Variants in LAMA2 observed in about 807,000 individuals in gnomAD.
LAMA2 encodes the protein laminin subunit alpha-2.
Under a neutral mutation model 364.8 loss-of-function variants are expected in LAMA2, and 269 were observed. The ratio of observed to expected loss-of-function variants is 0.74; its 90% CI spans 0.67 to 0.82. LAMA2 has a LOEUF of 0.82. LAMA2 is among the 40% of genes least tolerant of loss of function. The pLI, the probability that LAMA2 is intolerant of heterozygous loss-of-function variation, is 0.00. For synonymous variants in LAMA2, 1,379 were observed against 1,370.6 expected (o/e 1.01, Z -0.14); for missense variants, 3,807 against 3,873.2 (o/e 0.98, Z 0.45).
intron 10 of LAMA2, among the ~76,000 whole-genome samples, chr6:129,181,223 A>G (rs552111462): frequency 1.3e-5 from 2 of 152,218 alleles, no homozygotes; most frequent in Non-Finnish European, 2.9e-5. Context: ...CCTCAACTGA[A>G]AATGATCTCA....
At chr6:129,300,984 G>A in intron 22 of LAMA2, 112 bp downstream of exon 22, 1 of 908,158 alleles carries the variant, frequency 1.1e-6, no homozygotes, top group Non-Finnish European at 1.8e-6. Context: ...TAATGTAGAA[G>A]TATTACTATA....
At position 128,955,286 on chromosome 6, in the gene LAMA2, C is replaced by G. The variant is rs137980792; in HGVS notation, c.112+71929C>G. Among the ~76,000 whole-genome samples, 17 of 152,036 alleles carry G rather than the reference C, an allele frequency of 1.1e-4. No homozygotes were observed. The East Asian group carries it at 3.3e-3, about 29-fold the overall frequency. ...TGATTCATTAATTTTCTGAATTACA[C>G]TTGTAGATAGGAACTATTGTTATCC... is the stretch of plus-strand genomic sequence containing the variant. On this transcript the variant is annotated intron_variant, in intron 1 of 64. Transcript: ENST00000421865.
At chr6:128,897,308 TATATC>T (rs1465369195) in intron 1 of LAMA2, among the ~76,000 whole-genome samples, 1 of 152,236 alleles carries the variant, frequency 6.6e-6, no homozygotes, top group African/African-American at 2.4e-5. Context: ...TATGTCCTGA[TATATC>T]AGAAGAGTCT....
chr6:128,993,621 G>A (rs1325178391), intron 1 of LAMA2, among the ~76,000 whole-genome samples: 1 of 152,066 alleles, frequency 6.6e-6, no homozygotes, highest in Non-Finnish European at 1.5e-5. Flanking sequence ...CGTGGTATAT[G>A]AGAGAAAATA....
chr6:129,183,743 C>T (rs900306010), intron 10 of LAMA2, among the ~76,000 whole-genome samples: 3 of 151,928 alleles, frequency 2.0e-5, no homozygotes, highest in African/African-American at 7.2e-5. Context: ...TCATATCATT[C>T]TCATGGCATA....
At chr6:129,274,798 C>G (rs1039189746) in intron 17 of LAMA2, among the ~76,000 whole-genome samples, 2 of 151,884 alleles carry the variant, frequency 1.3e-5, no homozygotes, top group African/African-American at 2.4e-5. Flanking sequence ...AACAATGTAA[C>G]TATTTCGAAT....
At chr6:129,424,282 T>G (rs991153800) in intron 40 of LAMA2, among the ~76,000 whole-genome samples, 5 of 151,516 alleles carry the variant, frequency 3.3e-5, no homozygotes, top group African/African-American at 1.2e-4. Flanking sequence ...TAAAAATATA[T>G]AAGAAAAATC....
At chr6:129,328,472 C>T (rs369974720) in intron 29 of LAMA2, 60 bp downstream of exon 29, 16 of 1,613,106 alleles carry the variant, frequency 9.9e-6, no homozygotes, top group Non-Finnish European at 1.2e-5. Context: ...TACACATGCT[C>T]AGCATCTGCA....
At chr6:129,128,961 T>C (rs745604761) in intron 4 of LAMA2, among the ~76,000 whole-genome samples, 1 of 151,136 alleles carries the variant, frequency 6.6e-6, no homozygotes, top group Non-Finnish European at 1.5e-5. Context: ...AGTTTCTTTC[T>C]TAAAAGTTTA....
At chr6:129,488,208 G>C (rs1784690434) in intron 56 of LAMA2, among the ~76,000 whole-genome samples, 1 of 152,126 alleles carries the variant, frequency 6.6e-6, no homozygotes, top group Non-Finnish European at 1.5e-5. Flanking sequence ...TACTCTGGAG[G>C]CTGAGGCAGG....
At chr6:129,176,360 C>T (rs1780589341) in intron 9 of LAMA2, among the ~76,000 whole-genome samples, 1 of 151,862 alleles carries the variant, frequency 6.6e-6, no homozygotes, top group East Asian at 1.9e-4. Context: ...TAGATAATTT[C>T]TGCTTTGATA....
At chr6:129,099,944 G>A (rs1775424998) in intron 4 of LAMA2, among the ~76,000 whole-genome samples, 1 of 152,206 alleles carries the variant, frequency 6.6e-6, no homozygotes, top group African/African-American at 2.4e-5. Context: ...TATGGGAGTA[G>A]GGAGTGCAGA....
In LAMA2 at chr6:129,253,200, G is replaced by A. The variant is rs571926490; in HGVS notation, c.2096+905G>A. ...TCTGAATGAGCTCTTTACGCTTCTC[G>A]TTTTCTACTCTAATAATAAATAACA... On this transcript the variant is annotated intron_variant, in intron 14 of 64. Transcript: ENST00000421865. Among the ~76,000 whole-genome samples, 35 of 152,072 alleles carry A rather than the reference G, an allele frequency of 2.3e-4. No homozygotes were observed. The South Asian group carries it at 4.8e-3, about 21-fold the overall frequency.
At chr6:128,895,165 C>T (rs1197947579) in intron 1 of LAMA2, among the ~76,000 whole-genome samples, 9 of 152,136 alleles carry the variant, frequency 5.9e-5, no homozygotes. Flanking sequence ...TCCAGAAAAG[C>T]TTCTTCTGTG....
intron 7 of LAMA2, among the ~76,000 whole-genome samples, chr6:129,150,765 A>T (rs1368336610): frequency 6.6e-6 from 1 of 152,210 alleles, no homozygotes; most frequent in East Asian, 1.9e-4. Context: ...AAAGCCATAC[A>T]TAAAAATCAC....
At chr6:128,910,640 C>G (rs932388766) in intron 1 of LAMA2, among the ~76,000 whole-genome samples, 3 of 152,240 alleles carry the variant, frequency 2.0e-5, no homozygotes, top group African/African-American at 7.2e-5. Flanking sequence ...CTCAGCTCGT[C>G]AAAGTCGTTC....
intron 1 of LAMA2, among the ~76,000 whole-genome samples, chr6:128,997,827 A>G (rs779283944): frequency 6.6e-5 from 10 of 152,124 alleles, no homozygotes; most frequent in African/African-American, 1.9e-4. Context: ...CTGTAATGAG[A>G]TGAGAAGTTC....
chr6:129,027,343 C>G (rs1416310079), intron 1 of LAMA2, among the ~76,000 whole-genome samples: 1 of 151,942 alleles, frequency 6.6e-6, no homozygotes, highest in Admixed American at 6.6e-5. Flanking sequence ...ATATTTTCAC[C>G]CCACTGATAG....
At chr6:129,034,832 C>G (rs1786503649) in intron 1 of LAMA2, among the ~76,000 whole-genome samples, 1 of 152,130 alleles carries the variant, frequency 6.6e-6, no homozygotes, top group Non-Finnish European at 1.5e-5. Flanking sequence ...GCACAGTATT[C>G]CATGGTGTTC....
Sources: allele counts gnomAD v4.1 joint callset (sites outside exome capture counted in the v4.1 genomes callset), GRCh38; gene constraint gnomAD v4.1.1; transcripts MANE v1.5; gene names NCBI Gene and HGNC (gene_info 2026-07-23, HGNC 2026-07-21).